Variants in FBXL13 observed in about 807,000 individuals in gnomAD.
FBXL13 encodes F-box and leucine rich repeat protein 13, also known as F-box and leucine-rich repeat protein 13.
A neutral mutation model predicts 83.6 loss-of-function variants in FBXL13; 67 were observed. The ratio of observed to expected loss-of-function variants is 0.80; its 90% CI spans 0.66 to 0.98. FBXL13 has a LOEUF of 0.98. FBXL13 is among the 50% of genes least tolerant of loss of function. FBXL13 has a pLI of 0.00. For synonymous variants in FBXL13, 272 were observed against 299.5 expected, an observed-to-expected ratio of 0.91 and a Z score of 0.95; for missense variants, 822 against 866.5, an observed-to-expected ratio of 0.95 and a Z score of 0.64.
intron 14 of FBXL13, among the ~76,000 whole-genome samples, chr7:102,880,812 C>G (rs1030012771): frequency 2.0e-5 from 3 of 152,168 alleles, no homozygotes; most frequent in African/African-American, 4.8e-5. Context: ...CACTCTGCCC[C>G]CTTAAAGAGG....
intron 6 of FBXL13, among the ~76,000 whole-genome samples, chr7:103,015,728 C>T (rs1215871271): frequency 1.4e-5 from 2 of 143,174 alleles, no homozygotes; most frequent in African/African-American, 5.3e-5. Context: ...ACCCGGGAAG[C>T]AGAGGTTGCA....
chr7:102,987,283 C>T (rs1488475139), intron 6 of FBXL13, among the ~76,000 whole-genome samples: 7 of 152,112 alleles, frequency 4.6e-5, no homozygotes, highest in Non-Finnish European at 1.0e-4. Flanking sequence ...ACCACTTGTA[C>T]ACCTAAAGTT....
chr7:102,945,968 G>A (rs997577524), intron 8 of FBXL13, among the ~76,000 whole-genome samples: 22 of 152,042 alleles, frequency 1.4e-4, no homozygotes, highest in African/African-American at 5.3e-4. Context: ...TGCAACCTAC[G>A]CCTTCCGGGT....
intron 11 of FBXL13, among the ~76,000 whole-genome samples, chr7:102,893,957 A>C (rs1811895497): frequency 8.0e-6 from 1 of 125,292 alleles, no homozygotes; most frequent in Non-Finnish European, 1.6e-5. Context: ...AAAGAAAGAA[A>C]GAAAGAGAGA....
At chr7:102,856,359 CAA>C in intron 16 of FBXL13, among the ~76,000 whole-genome samples, 1 of 152,268 alleles carries the variant, frequency 6.6e-6, no homozygotes, top group South Asian at 2.1e-4. Flanking sequence ...GTAACAGATG[CAA>C]AGTTTGTCTC....
At chr7:102,831,060 T>G (rs1480539925) in intron 18 of FBXL13, among the ~76,000 whole-genome samples, 1 of 152,168 alleles carries the variant, frequency 6.6e-6, no homozygotes, top group Non-Finnish European at 1.5e-5. Flanking sequence ...GAACCACCCC[T>G]GTCAGTCATT....
rs534468481 is a variant in FBXL13, at chr7:103,050,700, A to G, written c.-1+4944T>C. Among the ~76,000 whole-genome samples, 9 of 152,288 alleles carry G rather than the reference A, an allele frequency of 5.9e-5. No individual in the cohort carries two copies. In the East Asian group the frequency reaches 1.7e-3, roughly 29 times the overall value. ...GCCAGAGCAAGACCCACTCATTGCA[A>G]TGACACTGAAAAATTCAGGCGGCCA... On this transcript the variant is annotated intron_variant, in intron 2 of 19. Transcript: ENST00000313221.
At chr7:102,970,537 A>G (rs1339589233) in intron 6 of FBXL13, among the ~76,000 whole-genome samples, 1 of 152,194 alleles carries the variant, frequency 6.6e-6, no homozygotes, top group East Asian at 1.9e-4. Context: ...AATAAATATC[A>G]TTCTCTCTAA....
At chr7:102,844,786 G>A (rs766443933) in intron 17 of FBXL13, among the ~76,000 whole-genome samples, 8 of 152,136 alleles carry the variant, frequency 5.3e-5, no homozygotes, top group Non-Finnish European at 1.0e-4. Flanking sequence ...GATGCCAATC[G>A]CAAGTCCCAG....
intron 8 of FBXL13, chr7:102,936,372 T>C (rs566555347): frequency 1.3e-5 from 2 of 152,330 alleles, no homozygotes; most frequent in African/African-American, 4.8e-5. Flanking sequence ...AGCCAGAGCC[T>C]ATGAGCTCTC....
intron 8 of FBXL13, among the ~76,000 whole-genome samples, chr7:102,932,359 C>T (rs1398526936): frequency 6.6e-6 from 1 of 152,148 alleles, no homozygotes; most frequent in Admixed American, 6.6e-5. Flanking sequence ...ATAGCCACTA[C>T]TTGGATTCTA....
At chr7:103,039,820 G>A (rs1344402098) in intron 2 of FBXL13, among the ~76,000 whole-genome samples, 3 of 151,970 alleles carry the variant, frequency 2.0e-5, no homozygotes, top group South Asian at 2.1e-4. Flanking sequence ...AGAGCTCCTG[G>A]TGGAAGCACT....
At chr7:103,019,150 G>C (rs1792791581) in intron 6 of FBXL13, among the ~76,000 whole-genome samples, 1 of 152,170 alleles carries the variant, frequency 6.6e-6, no homozygotes, top group Non-Finnish European at 1.5e-5. Flanking sequence ...AATCAAACTA[G>C]AACTCAGGAT....
At chr7:102,866,162 C>G (rs1807618813) in intron 16 of FBXL13, among the ~76,000 whole-genome samples, 1 of 152,136 alleles carries the variant, frequency 6.6e-6, no homozygotes, top group Admixed American at 6.5e-5. Context: ...ATCTCTGTTA[C>G]CTGAAAGTAG....
At chr7:103,035,894 T>C (rs1001513788) in intron 2 of FBXL13, among the ~76,000 whole-genome samples, 1 of 152,238 alleles carries the variant, frequency 6.6e-6, no homozygotes, top group African/African-American at 2.4e-5. Flanking sequence ...GCTTCATTTA[T>C]ATCCCACATA....
At chr7:103,004,681 G>T (rs1790790120) in intron 6 of FBXL13, among the ~76,000 whole-genome samples, 1 of 152,162 alleles carries the variant, frequency 6.6e-6, no homozygotes, top group African/African-American at 2.4e-5. Flanking sequence ...AGTTGCAGAG[G>T]AATTTTCTGC....
intron 19 of FBXL13, among the ~76,000 whole-genome samples, chr7:102,816,718 T>C (rs569576111): frequency 6.6e-6 from 1 of 152,304 alleles, no homozygotes; most frequent in Non-Finnish European, 1.5e-5. Context: ...ATCAGCCAAA[T>C]AGTGAACATA....
rs78392188 is a variant in FBXL13, at chr7:102,819,739, C to T, written c.2018+2301G>A. ...TGCCAAAGGTTCTGTTTCACCCAGA[C>T]AAATCAAAGCCTCTGCAGTTGAGGG... On this transcript the variant is annotated intron_variant, in intron 19 of 19. Transcript: ENST00000313221. Among the ~76,000 whole-genome samples the T allele has an allele frequency of 0.014, 2,125 of 152,240 alleles. 116 individuals are homozygous for T. In the East Asian group the frequency reaches 0.16, roughly 11 times the overall value.
At chr7:102,859,400 GT>G (rs914005514) in intron 16 of FBXL13, among the ~76,000 whole-genome samples, 96 of 149,752 alleles carry the variant, frequency 6.4e-4, no homozygotes, top group South Asian at 3.0e-3. Context: ...TTTAATGTGG[GT>G]TTTTTTTTTC....
Sources: allele counts gnomAD v4.1 joint callset (sites outside exome capture counted in the v4.1 genomes callset), GRCh38; gene constraint gnomAD v4.1.1; transcripts MANE v1.5; gene names NCBI Gene and HGNC (gene_info 2026-07-23, HGNC 2026-07-21).